Variants in CDH18 observed in about 807,000 individuals in gnomAD.
CDH18 encodes cadherin 18.
Under a neutral mutation model 67.9 loss-of-function variants are expected in CDH18, and 31 were observed. That is an observed-to-expected ratio of 0.46 (90% CI 0.34 to 0.62). CDH18 has a LOEUF of 0.62. Ranked by LOEUF, CDH18 falls within the 20% of genes least tolerant of loss-of-function variation. CDH18 has a pLI of 0.01. For missense variants in CDH18, 890 were observed against 975.5 expected (o/e 0.91, Z 1.17); for synonymous variants, 362 against 347.2 (o/e 1.04, Z -0.48).
chr5:20,119,494 G>T (rs1748179305), intron 2 of CDH18, among the ~76,000 whole-genome samples: 1 of 151,990 alleles, frequency 6.6e-6, no homozygotes, highest in African/African-American at 2.4e-5. Context: ...TTTGAGTCTG[G>T]GCTCTTTCAA....
chr5:19,808,463 C>A (rs2149881636), intron 3 of CDH18, among the ~76,000 whole-genome samples: 1 of 151,990 alleles, frequency 6.6e-6, no homozygotes, highest in Non-Finnish European at 1.5e-5. Flanking sequence ...ATAGAACATA[C>A]CTTCTGAGAA....
intron 3 of CDH18, among the ~76,000 whole-genome samples, chr5:19,790,431 C>T (rs192992378): frequency 2.6e-5 from 4 of 152,088 alleles, no homozygotes; most frequent in East Asian, 3.9e-4. Flanking sequence ...TAATGATGAA[C>T]GAAAGGTATA....
chr5:20,521,115 A>G (rs1189005068), intron 1 of CDH18, among the ~76,000 whole-genome samples: 2 of 152,334 alleles, frequency 1.3e-5, no homozygotes, highest in East Asian at 3.9e-4. Flanking sequence ...ATTGACCCAG[A>G]TATTACACCA....
rs887283180 is a variant in CDH18, at chr5:19,580,204, T to C, written c.1000-8372A>G. Among the ~76,000 whole-genome samples the C allele has an allele frequency of 4.6e-5, 7 of 151,998 alleles. No homozygotes were observed. In the East Asian group the frequency reaches 1.4e-3, roughly 29 times the overall value. ...GACAATATGGGTGGATATAAATCCT[T>C]TGGCTGAATTTATTTTCTTGAGTAT... On this transcript the variant is annotated intron_variant, in intron 7 of 12. Coordinates refer to ENST00000382275, the MANE Select transcript of CDH18 (RefSeq NM_004934.5).
At position 20,548,594 on chromosome 5, in the gene CDH18, C is replaced by A. The variant is rs1256365164; in HGVS notation, c.-580+26868G>T. 3.9e-5 allele frequency among the ~76,000 whole-genome samples: 6 copies of A among 152,130 alleles called. No homozygotes were observed. The South Asian group carries it at 6.2e-4, about 16-fold the overall frequency. ...CATCTCACAGAAGTTGTTCTTTCCA[C>A]ATTTGCCATAAAGAGCATAACTGAT... is the stretch of plus-strand genomic sequence containing the variant. On this transcript the variant is annotated intron_variant, in intron 1 of 14. Transcript: ENST00000507958.
chr5:19,833,362 A>G (rs886642456), intron 3 of CDH18, among the ~76,000 whole-genome samples: 2 of 152,100 alleles, frequency 1.3e-5, no homozygotes, highest in African/African-American at 4.8e-5. Flanking sequence ...ATGTTTGCAT[A>G]TCGATTTTGT....
At chr5:19,721,239 G>T in intron 5 of CDH18, 108 bp downstream of exon 5, 1 of 1,066,214 alleles carries the variant, frequency 9.4e-7, no homozygotes, top group Non-Finnish European at 1.3e-6. Flanking sequence ...TTTAAAATAT[G>T]TTAAAATCAC....
rs532483435 is a variant in CDH18 at position 20,300,543 on chromosome 5, G to A, written c.-579-45038C>T. On this transcript the variant is annotated intron_variant, in intron 1 of 14. Coordinates refer to the CDH18 transcript ENST00000507958. ...AGATACTACTGTTCATAAAAGGTGAGAGAAAGAACATTTTCATGTAGCCCC... is the reference window on the plus strand; with the variant it reads ...AGATACTACTGTTCATAAAAGGTGAAAGAAAGAACATTTTCATGTAGCCCC... Among the ~76,000 whole-genome samples, 27 of 152,208 alleles carry A rather than the reference G, an allele frequency of 1.8e-4. No homozygotes were observed. In the East Asian group the frequency reaches 4.1e-3, roughly 23 times the overall value.
intron 7 of CDH18, among the ~76,000 whole-genome samples, chr5:19,582,670 A>G (rs976409599): frequency 2.0e-5 from 3 of 152,008 alleles, no homozygotes; most frequent in Non-Finnish European, 2.9e-5. Flanking sequence ...CATATTTTGT[A>G]AGCAGTCCAT....
intron 2 of CDH18, among the ~76,000 whole-genome samples, chr5:19,965,723 G>A (rs927650832): frequency 5.3e-5 from 8 of 152,096 alleles, no homozygotes; most frequent in African/African-American, 1.9e-4. Context: ...ATTTAAGGAG[G>A]AAGGAGGAAG....
intron 2 of CDH18, among the ~76,000 whole-genome samples, chr5:20,093,236 T>TAC (rs927813318): frequency 8.0e-5 from 12 of 150,644 alleles, no homozygotes; most frequent in South Asian, 2.1e-4. Flanking sequence ...CATAAACACA[T>TAC]ACACACACAC....
At chr5:20,127,672 G>C (rs1748943813) in intron 2 of CDH18, among the ~76,000 whole-genome samples, 3 of 152,068 alleles carry the variant, frequency 2.0e-5, no homozygotes, top group Non-Finnish European at 4.4e-5. Flanking sequence ...AAAGTAGAAT[G>C]ATGATTGCCA....
chr5:19,667,499 T>C (rs1758131536), intron 5 of CDH18, among the ~76,000 whole-genome samples: 1 of 120,866 alleles, frequency 8.3e-6, no homozygotes, highest in African/African-American at 2.8e-5. Context: ...GTTATATATA[T>C]ATATATATAC....
intron 2 of CDH18, among the ~76,000 whole-genome samples, chr5:20,137,794 T>C (rs1267378605): frequency 6.6e-6 from 1 of 151,986 alleles, no homozygotes; most frequent in Non-Finnish European, 1.5e-5. Context: ...TTATATTTGT[T>C]AGTTTTCCTT....
chr5:19,723,014 T>C (rs1473325807), intron 4 of CDH18, among the ~76,000 whole-genome samples: 1 of 152,138 alleles, frequency 6.6e-6, no homozygotes, highest in Non-Finnish European at 1.5e-5. Flanking sequence ...GGGGATCACC[T>C]GAGGTCAGGA....
At chr5:19,843,748 C>A (rs1422394364) in intron 2 of CDH18, among the ~76,000 whole-genome samples, 1 of 152,206 alleles carries the variant, frequency 6.6e-6, no homozygotes, top group Non-Finnish European at 1.5e-5. Context: ...TCCTAAAAAG[C>A]CACAGGAGTG....
chr5:19,875,447 G>GATAGATAGATCGATCC (rs1561488828), intron 2 of CDH18, among the ~76,000 whole-genome samples: 1 of 147,820 alleles, frequency 6.8e-6, no homozygotes, highest in Non-Finnish European at 1.5e-5. Context: ...TAGATCGATC[G>GATAGATAGATCGATCC]ATCTATAGAT....
chr5:19,927,134 T>C (rs1285181468), intron 2 of CDH18, among the ~76,000 whole-genome samples: 1 of 152,162 alleles, frequency 6.6e-6, no homozygotes, highest in Non-Finnish European at 1.5e-5. Context: ...TAACGTTTAT[T>C]GGGTACTTAC....
rs147026210 is a variant in CDH18, at chr5:20,020,272, G to A, written c.-517-28258C>T. ...AGTTCAGAAAATTTGCAGCCTGACC[G>A]TGAGGATAGAAAATGGGTAGAAAAG... On this transcript the variant is annotated intron_variant, in intron 2 of 14. Coordinates refer to the CDH18 transcript ENST00000507958. Among the ~76,000 whole-genome samples the A allele has an allele frequency of 8.4e-4, 128 of 152,292 alleles. 1 individual carries two copies. The highest frequency in any genetic ancestry group is 2.9e-3 in the African/African-American group (122 of 41,556).
Sources: allele counts gnomAD v4.1 joint callset (sites outside exome capture counted in the v4.1 genomes callset), GRCh38; gene constraint gnomAD v4.1.1; transcripts MANE v1.5; gene names NCBI Gene and HGNC (gene_info 2026-07-23, HGNC 2026-07-21).